The following FRMD5 variants were observed in gnomAD, a reference collection of about 807,000 sequenced individuals.
FRMD5 encodes the protein FERM domain containing 5, also known as FERM domain-containing protein 5.
FRMD5 carries 20 observed loss-of-function variants against 69.0 expected under a neutral mutation model. The observed-to-expected ratio is 0.29, with a 90% CI of 0.20 to 0.42. FRMD5 has a LOEUF of 0.42. Ranked by LOEUF, FRMD5 falls within the 10% of genes least tolerant of loss-of-function variation. The pLI, the probability that FRMD5 is intolerant of heterozygous loss-of-function variation, is 1.00. For synonymous variants in FRMD5, 271 were observed against 260.1 expected (o/e 1.04, Z -0.40); for missense variants, 595 against 708.6 (o/e 0.84, Z 1.82).
chr15:44,119,570 T>C (rs1317826646), intron 1 of FRMD5, among the ~76,000 whole-genome samples: 1 of 152,188 alleles, frequency 6.6e-6, no homozygotes, highest in Admixed American at 6.5e-5. Flanking sequence ...TAAACCCTTA[T>C]TTTTATTTCC....
chr15:43,975,549 A>C (rs1205280594), intron 1 of FRMD5, among the ~76,000 whole-genome samples: 1 of 152,186 alleles, frequency 6.6e-6, no homozygotes, highest in Non-Finnish European at 1.5e-5. Context: ...ACCACTTTAC[A>C]CACAAGTGAT....
chr15:43,908,907 G>A (rs1410014121), intron 5 of FRMD5, among the ~76,000 whole-genome samples: 1 of 152,116 alleles, frequency 6.6e-6, no homozygotes, highest in Non-Finnish European at 1.5e-5. Context: ...TCATATCTTG[G>A]AGATTTGCCT....
intron 1 of FRMD5, among the ~76,000 whole-genome samples, chr15:44,078,347 T>C (rs905141850): frequency 6.6e-6 from 1 of 152,104 alleles, no homozygotes; most frequent in Non-Finnish European, 1.5e-5. Context: ...AGAGGATTAC[T>C]TCAAAAGGAG....
At chr15:44,087,218 G>T (rs190839754) in intron 1 of FRMD5, among the ~76,000 whole-genome samples, 8 of 152,108 alleles carry the variant, frequency 5.3e-5, no homozygotes, top group African/African-American at 1.9e-4. Flanking sequence ...TGGGGTTTCA[G>T]CATGTTGGCC....
chr15:44,067,088 G>A lies in FRMD5; in HGVS notation c.102+127865C>T, dbSNP rs542421461. ...ATTCATTTTGAAAAGGAAAATTCCC[G>A]TAATTCAAAAGAAAGAGAGTATAAA... On this transcript the variant is annotated intron_variant, in intron 1 of 13. Transcript: ENST00000417257. Among the ~76,000 whole-genome samples, 19 of 152,034 alleles carry A rather than the reference G, an allele frequency of 1.2e-4. No homozygotes were observed. The South Asian group carries it at 1.5e-3, about 12-fold the overall frequency.
intron 1 of FRMD5, among the ~76,000 whole-genome samples, chr15:44,099,229 C>T (rs951674217): frequency 6.6e-6 from 1 of 152,180 alleles, no homozygotes; most frequent in Non-Finnish European, 1.5e-5. Context: ...GTTCCCTCTA[C>T]CAATGCTCCT....
chr15:43,906,102 G>A (rs1409096244), intron 5 of FRMD5, 151 bp from the exon 6 acceptor site: 32 of 983,378 alleles, frequency 3.3e-5, no homozygotes, highest in Non-Finnish European at 4.6e-5. Flanking sequence ...GGGCTGGGCA[G>A]AGGGCAGGCC....
At chr15:44,144,306 T>C (rs1157992549) in intron 1 of FRMD5, among the ~76,000 whole-genome samples, 1 of 152,206 alleles carries the variant, frequency 6.6e-6, no homozygotes, top group Admixed American at 6.5e-5. Flanking sequence ...AACTTGTAAG[T>C]AAATAAGTCC....
At chr15:44,177,446 G>A (rs2077917997) in intron 1 of FRMD5, among the ~76,000 whole-genome samples, 1 of 152,062 alleles carries the variant, frequency 6.6e-6, no homozygotes, top group African/African-American at 2.4e-5. Flanking sequence ...TATACTAAGT[G>A]AAAGAAGTTA....
At chr15:44,144,903 T>G (rs1386200584) in intron 1 of FRMD5, among the ~76,000 whole-genome samples, 2 of 152,166 alleles carry the variant, frequency 1.3e-5, no homozygotes, top group Non-Finnish European at 2.9e-5. Flanking sequence ...TGGTCCTAAG[T>G]GCAGGGTTGG....
chr15:44,086,967 G>A (rs548554316), intron 1 of FRMD5, among the ~76,000 whole-genome samples: 1 of 152,198 alleles, frequency 6.6e-6, no homozygotes, highest in African/African-American at 2.4e-5. Context: ...TAATATAAGG[G>A]CAACACAGGA....
chr15:44,101,138 T>C (rs1357747549), intron 1 of FRMD5, among the ~76,000 whole-genome samples: 1 of 140,450 alleles, frequency 7.1e-6, no homozygotes, highest in Non-Finnish European at 1.5e-5. Context: ...AACCAAGTGA[T>C]ACTCCATCTC....
At position 44,093,734 on chromosome 15, in the gene FRMD5, G is replaced by A. The variant is rs191716670; in HGVS notation, c.102+101219C>T. ...ACTACAGGTGCCCTCCACCATGCCC[G>A]GCTAATTTTTTGTATTTTTAGTAGA... On this transcript the variant is annotated intron_variant, in intron 1 of 13. Transcript: ENST00000417257. 4.9e-3 allele frequency among the ~76,000 whole-genome samples: 739 copies of A among 151,676 alleles called. 3 individuals are homozygous for A. Among genetic ancestry groups the A allele is most frequent in the African/African-American group, 0.017 (702 of 41,326 alleles).
chr15:44,026,279 CCT>C (rs772085142), intron 1 of FRMD5, among the ~76,000 whole-genome samples: 70 of 152,178 alleles, frequency 4.6e-4, no homozygotes, highest in Non-Finnish European at 7.6e-4. Context: ...CCACATCTGG[CCT>C]CTCTCTTTCT....
chr15:43,894,385 T>C (rs1016066893), intron 7 of FRMD5, among the ~76,000 whole-genome samples: 1 of 151,970 alleles, frequency 6.6e-6, no homozygotes, highest in African/African-American at 2.4e-5. Flanking sequence ...ATTGTGTGAA[T>C]GGTGGTATAG....
intron 1 of FRMD5, among the ~76,000 whole-genome samples, chr15:44,120,596 C>T (rs939124593): frequency 7.0e-5 from 10 of 142,124 alleles, no homozygotes; most frequent in African/African-American, 2.6e-4. Context: ...TGCAGGAGTG[C>T]AATCTCGGCT....
intron 1 of FRMD5, among the ~76,000 whole-genome samples, chr15:44,165,779 G>A (rs1348056785): frequency 6.6e-6 from 1 of 151,486 alleles, no homozygotes; most frequent in East Asian, 2.0e-4. Context: ...AGGCTGCAGT[G>A]AGCCATATGC....
chr15:43,928,690 T>G (rs2140459663), intron 1 of FRMD5, among the ~76,000 whole-genome samples: 1 of 152,248 alleles, frequency 6.6e-6, no homozygotes, highest in East Asian at 1.9e-4. Context: ...AGTCAGTCTT[T>G]TCTTTTGATG....
rs1426764075 is a variant in FRMD5 at position 43,872,295 on chromosome 15, A to C, written c.*1590T>G. ...ATGGTTCTACCATCTCGGGGGACAA[A>C]ATAGGGGAGGTCAAGTCTACAAGTG... On this transcript the variant is annotated 3_prime_UTR_variant, in exon 14 of 14. Coordinates refer to ENST00000417257, the MANE Select transcript of FRMD5 (RefSeq NM_032892.5). 2 of 152,086 alleles carry C rather than the reference A, an allele frequency of 1.3e-5. No individual in the cohort carries two copies. The highest frequency in any genetic ancestry group is 4.8e-5 in the African/African-American group (2 of 41,408). 9.4% of individuals were successfully genotyped at this position (152,086 alleles called of 1,614,324 possible).
Sources: gnomAD v4.1 joint callset for allele counts (sites outside exome capture counted in the v4.1 genomes callset) on GRCh38, gnomAD v4.1.1 for gene constraint, MANE v1.5 for transcripts, NCBI Gene and HGNC (gene_info 2026-07-23, HGNC 2026-07-21) for gene names.